CA5A: variants seen among roughly 807,000 people sequenced by gnomAD.
CA5A encodes carbonic anhydrase 5A.
In CA5A, 28 loss-of-function variants were observed where a neutral mutation model predicts 37.1. That is an observed-to-expected ratio of 0.75 (90% CI 0.56 to 1.03). CA5A has a LOEUF of 1.03. Among genes scored for constraint, CA5A ranks in the 50% least tolerant of loss-of-function variants. The probability of loss-of-function intolerance (pLI) is 0.00; values close to 1 mark genes in which losing one functional copy is unlikely to be tolerated. For synonymous variants in CA5A, 171 were observed against 158.4 expected, an observed-to-expected ratio of 1.08 and a Z score of -0.60; for missense variants, 444 against 399.9, an observed-to-expected ratio of 1.11 and a Z score of -0.94.
intron 5 of CA5A, among the ~76,000 whole-genome samples, chr16:87,896,003 G>A (rs1211175180): frequency 6.6e-6 from 1 of 152,198 alleles, no homozygotes; most frequent in African/African-American, 2.4e-5. Flanking sequence ...GGTAACAGGC[G>A]GGTGTGCAGT....
chr16:87,900,492 G>C (rs963538014), intron 5 of CA5A, among the ~76,000 whole-genome samples: 1 of 152,266 alleles, frequency 6.6e-6, no homozygotes, highest in Admixed American at 6.5e-5. Flanking sequence ...GTTAACACAG[G>C]TTGAAGCCTC....
At chr16:87,929,689 C>T (rs373883211) in intron 1 of CA5A, among the ~76,000 whole-genome samples, 2 of 150,832 alleles carry the variant, frequency 1.3e-5, no homozygotes, top group South Asian at 2.1e-4. Context: ...TGGCTAACAC[C>T]GTGAAACCCG....
intron 1 of CA5A, among the ~76,000 whole-genome samples, chr16:87,930,922 G>C (rs2056393873): frequency 6.6e-6 from 1 of 151,778 alleles, no homozygotes; most frequent in Admixed American, 6.6e-5. Flanking sequence ...TGTATTTTTA[G>C]TAGAGACGGG....
chr16:87,901,154 C>T (rs1341667016), intron 5 of CA5A, among the ~76,000 whole-genome samples: 11 of 152,106 alleles, frequency 7.2e-5, no homozygotes, highest in African/African-American at 1.7e-4. Context: ...TGCTTGAACC[C>T]GGGAGGCGGA....
chr16:87,908,170 G>T (rs2055993454), intron 2 of CA5A, among the ~76,000 whole-genome samples: 1 of 152,194 alleles, frequency 6.6e-6, no homozygotes, highest in Non-Finnish European at 1.5e-5. Context: ...AACCGCCTGG[G>T]ATCTCTAGGA....
At chr16:87,895,822 C>G (rs560754458) in intron 5 of CA5A, among the ~76,000 whole-genome samples, 17 of 152,244 alleles carry the variant, frequency 1.1e-4, no homozygotes, top group African/African-American at 4.1e-4. Flanking sequence ...TCACCCACAC[C>G]GCAGCATGAG....
intron 2 of CA5A, among the ~76,000 whole-genome samples, chr16:87,913,827 G>C (rs1402830058): frequency 6.6e-6 from 1 of 152,192 alleles, no homozygotes; most frequent in East Asian, 1.9e-4. Context: ...TCGCTGAGTA[G>C]ACCATCCTTG....
intron 2 of CA5A, among the ~76,000 whole-genome samples, chr16:87,912,372 C>T (rs1424946925): frequency 6.6e-6 from 1 of 152,164 alleles, no homozygotes; most frequent in African/African-American, 2.4e-5. Flanking sequence ...CTCACCACGG[C>T]AGAGATCCGC....
chr16:87,929,885 A>AAAT (rs1555524442), intron 1 of CA5A, among the ~76,000 whole-genome samples: 4 of 151,538 alleles, frequency 2.6e-5, no homozygotes, highest in Non-Finnish European at 5.9e-5. Flanking sequence ...AAAAAAAAAA[A>AAAT]AAAAAAAAAA....
chr16:87,932,490 C>A (rs1263906298), intron 1 of CA5A, among the ~76,000 whole-genome samples: 2 of 152,200 alleles, frequency 1.3e-5, no homozygotes, highest in South Asian at 4.1e-4. Context: ...ACGGAGGCGA[C>A]GCCACCTGGA....
Position 87,911,991 on chromosome 16 carries a change from T to A in CA5A, c.341-7087A>T, listed in dbSNP as rs938592552. On this transcript the variant is annotated intron_variant, in intron 2 of 6. Transcript: ENST00000649794. The surrounding 1 kb of genome is among the most constrained non-coding windows in gnomAD (Gnocchi z 4.6). ...CCACTTACTATTATTATGACTGGTG[T>A]TATTGTTATTATTAAAATTACTGTC... is the stretch of plus-strand genomic sequence containing the variant. 6.6e-6 allele frequency among the ~76,000 whole-genome samples: 1 copy of A among 152,118 alleles called. No individual in the cohort carries two copies. Among genetic ancestry groups the A allele is most frequent in the Non-Finnish European group, 1.5e-5 (1 of 68,022 alleles).
chr16:87,882,801 C>G (rs2055619243), intron 4 of CA5A: 2 of 152,494 alleles, frequency 1.3e-5, no homozygotes, highest in African/African-American at 2.4e-5. Flanking sequence ...GCCCATTTCC[C>G]CGCTTGGTGC....
intron 5 of CA5A, among the ~76,000 whole-genome samples, chr16:87,896,212 G>A (rs551504850): frequency 1.1e-4 from 16 of 152,342 alleles, no homozygotes; most frequent in African/African-American, 2.2e-4. Flanking sequence ...GGCCCGTTCC[G>A]AGGTGCGGGC....
intron 2 of CA5A, among the ~76,000 whole-genome samples, chr16:87,913,731 C>T (rs557455573): frequency 7.9e-5 from 12 of 151,952 alleles, no homozygotes; most frequent in Non-Finnish European, 1.2e-4. Flanking sequence ...GCCCGAGCAC[C>T]TCACCTCCCA....
intron 2 of CA5A, among the ~76,000 whole-genome samples, chr16:87,912,987 T>C (rs1199474376): frequency 6.9e-6 from 1 of 144,782 alleles, no homozygotes; most frequent in Non-Finnish European, 1.5e-5. Flanking sequence ...AACCGCAACA[T>C]GGTTTTTTTT....
intron 2 of CA5A, among the ~76,000 whole-genome samples, chr16:87,925,119 C>A (rs1286586188): frequency 1.3e-5 from 2 of 152,146 alleles, no homozygotes; most frequent in Non-Finnish European, 2.9e-5. Context: ...TCCCCAGGCA[C>A]GTGGGACGCA....
intron 2 of CA5A, among the ~76,000 whole-genome samples, chr16:87,910,341 G>A (rs2056032988): frequency 6.6e-6 from 1 of 152,166 alleles, no homozygotes; most frequent in African/African-American, 2.4e-5. Flanking sequence ...TTCCTCCCAG[G>A]ATGAACTCCT....
At chr16:87,913,956 C>T (rs372703553) in intron 2 of CA5A, among the ~76,000 whole-genome samples, 64 of 152,320 alleles carry the variant, frequency 4.2e-4, no homozygotes, top group Admixed American at 2.1e-3. Context: ...CCACAAGAGG[C>T]GTGGGGAGCG....
intron 2 of CA5A, among the ~76,000 whole-genome samples, chr16:87,920,155 A>G (rs1252536579): frequency 6.6e-6 from 1 of 152,198 alleles, no homozygotes; most frequent in East Asian, 1.9e-4. Context: ...TAAACAGGCC[A>G]TAGCCAACTC....
Sources: gnomAD v4.1 joint callset for allele counts (sites outside exome capture counted in the v4.1 genomes callset) on GRCh38, gnomAD v4.1.1 for gene constraint, Gnocchi (gnomAD v3.1) non-coding constraint, MANE v1.5 for transcripts, NCBI Gene and HGNC (gene_info 2026-07-23, HGNC 2026-07-21) for gene names.